Variants in GDI2 observed in about 807,000 individuals in gnomAD.
The protein encoded by GDI2 is GDP dissociation inhibitor 2, also known as rab GDP dissociation inhibitor beta.
Under a neutral mutation model 54.2 loss-of-function variants are expected in GDI2, and 22 were observed. That is an observed-to-expected ratio of 0.41 (90% CI 0.29 to 0.58). The LOEUF (loss-of-function observed/expected upper bound fraction) is 0.58, where lower values mean the gene tolerates loss of function less well. GDI2 is among the 20% of genes least tolerant of loss of function. The pLI, the probability that GDI2 is intolerant of heterozygous loss-of-function variation, is 0.35. For missense variants in GDI2, 422 were observed against 546.0 expected (o/e 0.77, Z 2.26); for synonymous variants, 177 against 182.1 (o/e 0.97, Z 0.23).
At chr10:5,790,862 A>G (rs983702198) in intron 4 of GDI2, among the ~76,000 whole-genome samples, 6 of 152,176 alleles carry the variant, frequency 3.9e-5, no homozygotes, top group African/African-American at 1.4e-4. Flanking sequence ...CCCATGAATT[A>G]TAAATGTTCT....
chr10:5,772,778 A>G (rs1840520654), intron 7 of GDI2, among the ~76,000 whole-genome samples: 1 of 152,136 alleles, frequency 6.6e-6, no homozygotes, highest in Non-Finnish European at 1.5e-5. Flanking sequence ...ATAAATAAAT[A>G]AATAACATTT....
rs372834491 is a variant in GDI2 at position 5,768,416 on chromosome 10, C to T, written c.820-32G>A. 38 of 1,436,568 alleles carry T rather than the reference C, an allele frequency of 2.6e-5. No individual in the cohort carries two copies. Among genetic ancestry groups the T allele is most frequent in the Admixed American group, 2.4e-4 (14 of 58,238 alleles). The allele number at this position is 1,436,568 out of a possible 1,614,324, so 89.0% of individuals were successfully genotyped here. On this transcript the variant is annotated intron_variant, in intron 7 of 10. Coordinates refer to ENST00000380191, the MANE Select transcript of GDI2 (RefSeq NM_001494.4). This position sits in a 1 kb window ranked among gnomAD's most constrained non-coding sequence, Gnocchi z 4.4. ...CAAAGCATTTAAGAAGACACTGAAG[C>T]GGACAAGGATATAGGGAAACACATC...
chr10:5,776,682 T>TA lies in GDI2; in HGVS notation c.720-2742dup, dbSNP rs1195545744. On this transcript the variant is annotated intron_variant, in intron 6 of 10. Coordinates refer to ENST00000380191, the MANE Select transcript of GDI2 (RefSeq NM_001494.4). This position sits in a 1 kb window ranked among gnomAD's most constrained non-coding sequence, Gnocchi z 5.3. The stretch of plus-strand genomic sequence containing the variant: ...GCTGATTTTGTAGAAAAGTCAGAGT[T>TA]ATGGAGCTTGCCGCCACATTCAGAA... 6.8e-7 allele frequency: 1 copy of TA among 1,467,548 alleles called. No homozygotes were observed. Among genetic ancestry groups the TA allele is most frequent in the African/African-American group, 1.4e-5 (1 of 71,538 alleles). 90.9% of individuals were successfully genotyped at this position (1,467,548 alleles called of 1,614,324 possible). A position where few individuals can be genotyped will look rare whatever the true frequency, so the allele number is the denominator to read the frequency against.
intron 1 of GDI2, among the ~76,000 whole-genome samples, chr10:5,805,363 TAAAAA>T (rs33941987): frequency 9.4e-6 from 1 of 105,922 alleles, no homozygotes; most frequent in Admixed American, 1.0e-4. Context: ...ATTTGCTCTT[TAAAAA>T]AAAAAAAAAA....
At position 5,805,518 on chromosome 10, in the gene GDI2, C is replaced by T. The variant is rs1229619907; in HGVS notation, c.46-4813G>A. Among the ~76,000 whole-genome samples the T allele has an allele frequency of 1.3e-5, 2 of 152,116 alleles. 1 individual carries two copies. Among genetic ancestry groups the T allele is most frequent in the South Asian group, 4.1e-4 (2 of 4,828 alleles). On this transcript the variant is annotated intron_variant, in intron 1 of 10. Coordinates refer to ENST00000380191, the MANE Select transcript of GDI2 (RefSeq NM_001494.4). ...ACCTCAGCCTCCTGAGAAGCTGGAA[C>T]TACAGACATGTGCCACCACGCCTGC...
intron 4 of GDI2, among the ~76,000 whole-genome samples, chr10:5,787,730 T>C (rs768321596): frequency 1.1e-4 from 16 of 152,236 alleles, no homozygotes; most frequent in Non-Finnish European, 2.1e-4. Context: ...TGAATCACTA[T>C]TTCAATGCAC....
At chr10:5,777,149 A>T (rs1440382994) in intron 6 of GDI2, among the ~76,000 whole-genome samples, 1 of 152,158 alleles carries the variant, frequency 6.6e-6, no homozygotes, top group Non-Finnish European at 1.5e-5. Flanking sequence ...TTCAAGCAAC[A>T]ATTACTTGTC....
chr10:5,772,650 G>A (rs575212911), intron 7 of GDI2, among the ~76,000 whole-genome samples: 2 of 152,060 alleles, frequency 1.3e-5, no homozygotes, highest in African/African-American at 4.8e-5. Context: ...CCAGCTACTC[G>A]GGAGGCTGAG....
rs57075354 is a variant in GDI2, at chr10:5,772,123, T to C, written c.819+1719A>G. Reference sequence around the variant, plus strand: ...ATCTCTATCTCCTAAACAACTATTATGCTGAAAGTACAAGCAGTGTTACTG... The same window carrying C: ...ATCTCTATCTCCTAAACAACTATTACGCTGAAAGTACAAGCAGTGTTACTG... On this transcript the variant is annotated intron_variant, in intron 7 of 10. Coordinates refer to ENST00000380191, the MANE Select transcript of GDI2 (RefSeq NM_001494.4). 6.6e-3 allele frequency among the ~76,000 whole-genome samples: 1,000 copies of C among 151,944 alleles called. 18 individuals are homozygous for C. The highest frequency in any genetic ancestry group is 0.044 in the South Asian group (213 of 4,808).
chr10:5,788,921 CCTGG>C (rs1226944647), intron 4 of GDI2, among the ~76,000 whole-genome samples: 3 of 152,074 alleles, frequency 2.0e-5, no homozygotes, highest in Non-Finnish European at 2.9e-5. Flanking sequence ...CACCATCAGA[CCTGG>C]CTAATTTTTT....
Position 5,776,112 on chromosome 10 carries a change from A to G in GDI2, c.720-2171T>C, listed in dbSNP as rs565272593. The G allele has an allele frequency of 1.6e-4, 40 of 249,344 alleles. No homozygotes were observed. Among genetic ancestry groups the G allele is most frequent in the Admixed American group, 1.3e-3 (27 of 21,080 alleles). 15.4% of individuals were successfully genotyped at this position (249,344 alleles called of 1,614,324 possible). ...CATCAACAGAGCAGATGAACAGACC[A>G]TTTATCAGCAACTACAAAGAAGCTA... On this transcript the variant is annotated intron_variant, in intron 6 of 10. Transcript: ENST00000380191. This position sits in a 1 kb window ranked among gnomAD's most constrained non-coding sequence, Gnocchi z 5.3.
chr10:5,769,692 C>CT (rs756207077), intron 7 of GDI2, among the ~76,000 whole-genome samples: 11 of 151,784 alleles, frequency 7.2e-5, no homozygotes, highest in Admixed American at 3.3e-4. Flanking sequence ...CAGTGAGCTA[C>CT]TACCTCACAA....
rs201048771 is a variant in GDI2 at position 5,792,904 on chromosome 10, ATAAG to A, written c.388+1977_388+1980del. ...TGAAGGAGGTAACTGAAGCTTTAAT[ATAAG>A]TAAGAGCTCCAAGAAAGAAAATGTA... On this transcript the variant is annotated intron_variant, in intron 4 of 10. Coordinates refer to ENST00000380191, the MANE Select transcript of GDI2 (RefSeq NM_001494.4). Among the ~76,000 whole-genome samples, 168 of 151,480 alleles carry A rather than the reference ATAAG, an allele frequency of 1.1e-3. 3 individuals are homozygous for A. In the East Asian group the frequency reaches 0.022, roughly 20 times the overall value.
At chr10:5,794,225 ATATATAT>A (rs1841095910) in intron 4 of GDI2, among the ~76,000 whole-genome samples, 3 of 127,334 alleles carry the variant, frequency 2.4e-5, no homozygotes, top group African/African-American at 6.0e-5. Context: ...ATATATATAT[ATATATAT>A]AAAACTCACC....
At position 5,813,226 on chromosome 10, in the gene GDI2, GC is replaced by G; in HGVS notation, c.32del (p.Gly11AlafsTer4). Reference protein sequence around the residue: MNEEYDVIVLGTGLTECILSG... With the variant: MNEEYDVIVLXTGLTECILSG... ...CCCTGGCGCCCACCGTCAGGCCGGTGCCCAGCACGATCACGTCGTACTCCTC... is the reference window on the plus strand; with the variant it reads ...CCCTGGCGCCCACCGTCAGGCCGGTGCCAGCACGATCACGTCGTACTCCTC... On this transcript the variant is annotated frameshift_variant, in exon 1 of 11. Coordinates refer to ENST00000380191, the MANE Select transcript of GDI2 (RefSeq NM_001494.4). LOFTEE classifies it high-confidence loss of function. 6.3e-7 allele frequency: 1 copy of G among 1,592,006 alleles called. No individual in the cohort carries two copies.
At chr10:5,777,076 C>A (rs1588970203) in intron 6 of GDI2, among the ~76,000 whole-genome samples, 1 of 152,194 alleles carries the variant, frequency 6.6e-6, no homozygotes, top group Non-Finnish European at 1.5e-5. Context: ...ACTTAGTACA[C>A]ACTAAATTCA....
At chr10:5,799,023 T>C (rs1028506270) in intron 2 of GDI2, among the ~76,000 whole-genome samples, 5 of 149,746 alleles carry the variant, frequency 3.3e-5, no homozygotes, top group African/African-American at 4.9e-5. Flanking sequence ...AAGAAAAAAA[T>C]TGTGAGGAGA....
intron 7 of GDI2, among the ~76,000 whole-genome samples, chr10:5,770,632 T>C (rs1273969044): frequency 6.6e-6 from 1 of 151,938 alleles, no homozygotes; most frequent in African/African-American, 2.4e-5. Context: ...GATGTGAATA[T>C]ATTTAATACC....
chr10:5,772,546 C>T (rs553293292), intron 7 of GDI2, among the ~76,000 whole-genome samples: 8 of 152,176 alleles, frequency 5.3e-5, no homozygotes, highest in South Asian at 2.1e-4. Context: ...CACTTGGGGC[C>T]GGGAGTTCGA....
Sources: allele counts gnomAD v4.1 joint callset (sites outside exome capture counted in the v4.1 genomes callset), GRCh38; gene constraint gnomAD v4.1.1; non-coding constraint Gnocchi (gnomAD v3.1); transcripts MANE v1.5; gene names NCBI Gene and HGNC (gene_info 2026-07-23, HGNC 2026-07-21).